Variants in SLC1A1 observed in about 807,000 individuals in gnomAD.
The protein encoded by SLC1A1 is solute carrier family 1 member 1, also known as excitatory amino acid transporter 3.
In SLC1A1, 43 loss-of-function variants were observed where a neutral mutation model predicts 53.3. The ratio of observed to expected loss-of-function variants is 0.81; its 90% CI spans 0.63 to 1.04. The LOEUF (loss-of-function observed/expected upper bound fraction) is 1.04, where lower values mean the gene tolerates loss of function less well. Ranked by LOEUF, SLC1A1 falls within the 50% of genes least tolerant of loss-of-function variation. The pLI is 0.00. For missense variants in SLC1A1, 748 were observed against 664.9 expected (o/e 1.12, Z -1.37); for synonymous variants, 307 against 243.2 (o/e 1.26, Z -2.44).
rs191367703 is a variant in SLC1A1, at chr9:4,563,421, G to A, written c.326-923G>A. On this transcript the variant is annotated intron_variant, in intron 3 of 11. Coordinates refer to ENST00000262352, the MANE Select transcript of SLC1A1 (RefSeq NM_004170.6). ...TACTGCTCTCTTATTAGCTGGAGGC[G>A]TATAGCCCTTCTACAACCCTGAGAG... 9.2e-3 allele frequency among the ~76,000 whole-genome samples: 1,395 copies of A among 152,298 alleles called. 18 individuals carry two copies. Among genetic ancestry groups the A allele is most frequent in the Non-Finnish European group, 0.012 (792 of 68,028 alleles).
At chr9:4,570,583 C>G (rs992494416) in intron 6 of SLC1A1, among the ~76,000 whole-genome samples, 2 of 152,002 alleles carry the variant, frequency 1.3e-5, no homozygotes, top group African/African-American at 4.8e-5. Flanking sequence ...GTTGGCCAGG[C>G]TGGTCTTGAA....
At chr9:4,575,893 T>C (rs1820498670) in intron 8 of SLC1A1, 108 bp from the exon 9 acceptor site, 3 of 1,305,700 alleles carry the variant, frequency 2.3e-6, no homozygotes, top group African/African-American at 1.5e-5. Flanking sequence ...TATTGGGCCA[T>C]TATGAAAGTC....
At chr9:4,504,203 C>T (rs1820726194) in intron 1 of SLC1A1, among the ~76,000 whole-genome samples, 2 of 152,160 alleles carry the variant, frequency 1.3e-5, no homozygotes, top group Non-Finnish European at 2.9e-5. Context: ...ATCTCTTTTT[C>T]CATAATTGGG....
intron 8 of SLC1A1, among the ~76,000 whole-genome samples, chr9:4,575,430 A>G (rs1400213657): frequency 6.6e-6 from 1 of 152,138 alleles, no homozygotes; most frequent in Admixed American, 6.5e-5. Context: ...TTTTTTCCTT[A>G]CTGTAACTCT....
chr9:4,562,711 T>A (rs939928068), intron 3 of SLC1A1, among the ~76,000 whole-genome samples: 2 of 152,106 alleles, frequency 1.3e-5, no homozygotes, highest in African/African-American at 4.8e-5. Context: ...AATGATGATT[T>A]CCAATTTCAA....
intron 1 of SLC1A1, among the ~76,000 whole-genome samples, chr9:4,534,371 A>G (rs1049076622): frequency 2.6e-5 from 4 of 152,196 alleles, no homozygotes; most frequent in Non-Finnish European, 5.9e-5. Context: ...AAAAAATGAT[A>G]AAGGGGATAT....
intron 1 of SLC1A1, among the ~76,000 whole-genome samples, chr9:4,529,607 G>A (rs987729437): frequency 5.3e-5 from 8 of 152,148 alleles, no homozygotes; most frequent in African/African-American, 1.9e-4. Context: ...AAATGAATAT[G>A]CAGATGAATG....
At chr9:4,565,725 C>T (rs1012055217) in intron 4 of SLC1A1, among the ~76,000 whole-genome samples, 1 of 152,140 alleles carries the variant, frequency 6.6e-6, no homozygotes, top group Non-Finnish European at 1.5e-5. Flanking sequence ...AGCATACAAC[C>T]TCATTGATGA....
At chr9:4,550,013 G>C (rs1363202476) in intron 2 of SLC1A1, among the ~76,000 whole-genome samples, 1 of 152,186 alleles carries the variant, frequency 6.6e-6, no homozygotes, top group Non-Finnish European at 1.5e-5. Context: ...TTGCAGCTCA[G>C]TGGATGTCAA....
Position 4,573,929 on chromosome 9 carries a change from T to C in SLC1A1, c.790T>C (p.Phe264Leu). 1.9e-6 allele frequency: 3 copies of C among 1,613,430 alleles called. No homozygotes were observed. Among genetic ancestry groups the C allele is most frequent in the Non-Finnish European group, 2.5e-6 (3 of 1,179,338 alleles). Residue 264 changes from phenylalanine to leucine, a missense_variant, in exon 8 of 12, where the codon TTC (phenylalanine) becomes CTC (leucine). Physicochemically the swap from Phe to Leu is conservative, Grantham distance 22. Coordinates refer to ENST00000262352, the MANE Select transcript of SLC1A1 (RefSeq NM_004170.6). Reference protein sequence around the residue: ...IMCYMPLGILFLIAGKIIEVE... With the variant: ...IMCYMPLGILLLIAGKIIEVE... ...CAGTTATATGCCACTAGGTATTTTG[T>C]TCCTGATTGCTGGGAAGATCATAGA...
rs1764836850 is a variant in SLC1A1, at chr9:4,585,775, A to C, written c.*217A>C. On this transcript the variant is annotated 3_prime_UTR_variant, in exon 12 of 12. Coordinates refer to ENST00000262352, the MANE Select transcript of SLC1A1 (RefSeq NM_004170.6). ...AGTTGAAGGGAAATCAATTTAAAGG[A>C]AAGTTCTATTATCTGGGTTTTAGAA... The C allele has an allele frequency of 1.7e-6, 1 of 586,454 alleles. No individual in the cohort carries two copies. The highest frequency in any genetic ancestry group is 3.0e-6 in the Non-Finnish European group (1 of 333,412). 36.3% of individuals were successfully genotyped at this position (586,454 alleles called of 1,614,324 possible).
chr9:4,535,539 C>A (rs529940092), intron 1 of SLC1A1, among the ~76,000 whole-genome samples: 20 of 152,254 alleles, frequency 1.3e-4, no homozygotes, highest in Admixed American at 3.9e-4. Context: ...CTACAAACCA[C>A]TGCTCAATGA....
rs73641453 is a variant in SLC1A1, at chr9:4,508,874, T to C, written c.91+18104T>C. Among the ~76,000 whole-genome samples, 721 of 152,304 alleles carry C rather than the reference T, an allele frequency of 4.7e-3. 8 individuals carry two copies. Among genetic ancestry groups the C allele is most frequent in the African/African-American group, 0.016 (684 of 41,576 alleles). The stretch of plus-strand genomic sequence containing the variant: ...AACACCTACAGTGTGTCAAGCTTGA[T>C]GCCGGGGCGGTGGGGTACAGGAATG... On this transcript the variant is annotated intron_variant, in intron 1 of 11. Transcript: ENST00000262352.
chr9:4,543,122 G>T (rs983087041), intron 1 of SLC1A1, among the ~76,000 whole-genome samples: 1 of 152,178 alleles, frequency 6.6e-6, no homozygotes, highest in African/African-American at 2.4e-5. Context: ...GCATGGGAAG[G>T]ATGCCTGAAT....
chr9:4,491,639 TTG>T (rs1324254314), intron 1 of SLC1A1, among the ~76,000 whole-genome samples: 2 of 152,024 alleles, frequency 1.3e-5, no homozygotes, highest in Non-Finnish European at 2.9e-5. Flanking sequence ...TTTACCAAGG[TTG>T]TGTGTTTCTA....
At position 4,490,530 on chromosome 9, in the gene SLC1A1, G is replaced by A. The variant is rs1273694055; in HGVS notation, c.-150G>A. 15 of 460,908 alleles carry A rather than the reference G, an allele frequency of 3.3e-5. No individual in the cohort carries two copies. The South Asian group carries it at 5.1e-4, about 16-fold the overall frequency. 28.6% of individuals were successfully genotyped at this position (460,908 alleles called of 1,614,324 possible). ...CGCGATCCCGGGTGGCGGCGGCAAC[G>A]GCGGTGGTGACGGCGGCGACTGCAG... On this transcript the variant is annotated 5_prime_UTR_variant, in exon 1 of 12. Coordinates refer to ENST00000262352, the MANE Select transcript of SLC1A1 (RefSeq NM_004170.6).
Position 4,544,578 on chromosome 9 carries a change from G to C in SLC1A1, c.103G>C (p.Gly35Arg). 1 of 1,613,720 alleles carries C rather than the reference G, an allele frequency of 6.2e-7. No individual in the cohort carries two copies. Among genetic ancestry groups the C allele is most frequent in the Non-Finnish European group, 8.5e-7 (1 of 1,179,732 alleles). The change falls in exon 2 of 12, where the codon GGA (glycine) becomes CGA (arginine). Residue 35 changes from glycine to arginine, a missense_variant. Gly to Arg is a moderately radical substitution (Grantham distance 125). Transcript: ENST00000262352. The stretch of plus-strand genomic sequence containing the variant: ...CTTGTTTTCCTTAGGCATTACCACA[G>C]GAGTCTTGGTTCGAGAACACAGCAA... ...VAAVVLGITT[G>R]VLVREHSNLS... is the part of the protein sequence containing the mutation.
intron 2 of SLC1A1, 44 bp downstream of exon 2, chr9:4,544,751 T>C (rs1289825696): frequency 1.3e-6 from 2 of 1,522,560 alleles, no homozygotes; most frequent in Non-Finnish European, 1.8e-6. Flanking sequence ...TCCATTTTCA[T>C]ACTGCTGTAA....
intron 1 of SLC1A1, among the ~76,000 whole-genome samples, chr9:4,506,486 G>A (rs988282225): frequency 2.6e-5 from 4 of 151,914 alleles, no homozygotes; most frequent in African/African-American, 9.7e-5. Flanking sequence ...TAAATAGCAT[G>A]CCTGGGTCTC....
Sources: allele counts gnomAD v4.1 joint callset (sites outside exome capture counted in the v4.1 genomes callset), GRCh38; gene constraint gnomAD v4.1.1; transcripts MANE v1.5; gene names NCBI Gene and HGNC (gene_info 2026-07-23, HGNC 2026-07-21).